The following CFAP54 variants were observed in gnomAD, a reference collection of about 807,000 sequenced individuals.
CFAP54 encodes the protein cilia- and flagella-associated protein 54.
In CFAP54, 290 loss-of-function variants were observed where a neutral mutation model predicts 370.4. The ratio of observed to expected loss-of-function variants is 0.78; its 90% CI spans 0.71 to 0.86. The LOEUF is 0.86. Ranked by LOEUF, CFAP54 falls within the 40% of genes least tolerant of loss-of-function variation. The probability of loss-of-function intolerance (pLI) is 0.00; values close to 1 mark genes in which losing one functional copy is unlikely to be tolerated. For synonymous variants in CFAP54, 1,206 were observed against 1,236.5 expected (o/e 0.98, Z 0.52); for missense variants, 3,399 against 3,528.7 (o/e 0.96, Z 0.93).
intron 66 of CFAP54, among the ~76,000 whole-genome samples, chr12:96,844,464 G>A (rs1042829304): frequency 9.9e-5 from 15 of 152,094 alleles, no homozygotes; most frequent in Non-Finnish European, 1.9e-4. Context: ...GAACCAGCCC[G>A]GCTGACACCT....
intron 1 of CFAP54, among the ~76,000 whole-genome samples, chr12:96,491,846 GC>G (rs1195097317): frequency 6.6e-6 from 1 of 152,132 alleles, no homozygotes; most frequent in Non-Finnish European, 1.5e-5. Context: ...TGCAACCTCT[GC>G]CTCCCAGGTT....
intron 15 of CFAP54, among the ~76,000 whole-genome samples, chr12:96,552,032 A>C (rs1955700358): frequency 6.6e-6 from 1 of 152,124 alleles, no homozygotes; most frequent in Non-Finnish European, 1.5e-5. Flanking sequence ...GGATCACCTG[A>C]GGTCAGGAGT....
chr12:96,526,022 T>C (rs1955376872), intron 8 of CFAP54, among the ~76,000 whole-genome samples: 1 of 152,146 alleles, frequency 6.6e-6, no homozygotes, highest in South Asian at 2.1e-4. Flanking sequence ...GATCTATGGA[T>C]TGAAAAGGTA....
intron 63 of CFAP54, among the ~76,000 whole-genome samples, chr12:96,803,412 A>C (rs914771044): frequency 2.0e-5 from 3 of 152,046 alleles, no homozygotes; most frequent in Non-Finnish European, 4.4e-5. Flanking sequence ...TAAGCAAGCC[A>C]CCTAGAAGCC....
chr12:96,806,213 T>TATATATATATATATATATAA (rs1392329026), intron 63 of CFAP54, among the ~76,000 whole-genome samples: 1 of 49,694 alleles, frequency 2.0e-5, no homozygotes, highest in Admixed American at 2.5e-4. Flanking sequence ...TATATATATA[T>TATATATATATATATATATAA]AATAACAACA....
chr12:96,564,018 G>T (rs1955840116), intron 17 of CFAP54, among the ~76,000 whole-genome samples: 1 of 152,192 alleles, frequency 6.6e-6, no homozygotes, highest in African/African-American at 2.4e-5. Context: ...GCCACAGCTG[G>T]AAGATAGTGG....
chr12:96,571,454 T>A (rs1309271129), intron 19 of CFAP54, among the ~76,000 whole-genome samples: 2 of 152,170 alleles, frequency 1.3e-5, no homozygotes, highest in African/African-American at 4.8e-5. Flanking sequence ...AAAGGCTTAT[T>A]TCTTTTTTCA....
At chr12:96,823,506 A>G (rs1038511511) in intron 65 of CFAP54, among the ~76,000 whole-genome samples, 17 of 152,328 alleles carry the variant, frequency 1.1e-4, no homozygotes, top group Admixed American at 8.5e-4. Context: ...TCTCATATTC[A>G]GGAAACAATA....
intron 55 of CFAP54, among the ~76,000 whole-genome samples, chr12:96,744,583 G>A (rs1308691530): frequency 6.6e-6 from 1 of 152,126 alleles, no homozygotes; most frequent in Non-Finnish European, 1.5e-5. Context: ...ATTTTGGAAA[G>A]GAATGTGTTA....
chr12:96,684,471 G>A (rs1481596210), intron 40 of CFAP54, among the ~76,000 whole-genome samples, 177 bp from the exon 41 acceptor site: 3 of 152,148 alleles, frequency 2.0e-5, no homozygotes, highest in African/African-American at 4.8e-5. Flanking sequence ...CAAACAGAAC[G>A]TTTGCTCGCT....
chr12:96,561,426 A>G (rs1232274051), intron 17 of CFAP54, among the ~76,000 whole-genome samples: 1 of 152,060 alleles, frequency 6.6e-6, no homozygotes. Context: ...CTTTTTCTAT[A>G]TAAATTGCTC....
chr12:96,676,002 G>A (rs993669757), intron 39 of CFAP54, among the ~76,000 whole-genome samples: 8 of 152,040 alleles, frequency 5.3e-5, no homozygotes, highest in Non-Finnish European at 7.4e-5. Context: ...ACGAGTTAGT[G>A]GGTGCAGCAC....
At position 96,599,626 on chromosome 12, in the gene CFAP54, CA is replaced by C. The variant is rs1956218514; in HGVS notation, c.3639+860del. Reference sequence around the variant, plus strand: ...TTGAACTAATTTACACTCCCATCAACAGTGTAAAAACGTTGTATTTCTCCAC... The same window carrying C: ...TTGAACTAATTTACACTCCCATCAACGTGTAAAAACGTTGTATTTCTCCAC... On this transcript the variant is annotated intron_variant, in intron 26 of 67. Transcript: ENST00000524981. Among the ~76,000 whole-genome samples, 3 of 152,200 alleles carry C rather than the reference CA, an allele frequency of 2.0e-5. No individual in the cohort carries two copies. The South Asian group carries it at 6.2e-4, about 32-fold the overall frequency.
intron 17 of CFAP54, among the ~76,000 whole-genome samples, chr12:96,555,384 G>A (rs958423657): frequency 6.6e-6 from 1 of 151,652 alleles, no homozygotes; most frequent in South Asian, 2.1e-4. Context: ...GCTGATTGGT[G>A]CAGGAAGATG....
At chr12:96,540,567 C>T (rs1275451802) in intron 13 of CFAP54, among the ~76,000 whole-genome samples, 1 of 152,136 alleles carries the variant, frequency 6.6e-6, no homozygotes, top group African/African-American at 2.4e-5. Flanking sequence ...ATAAATTTGC[C>T]ATAATGGCTA....
At chr12:96,693,841 C>A in intron 45 of CFAP54, 33 bp downstream of exon 45, 1 of 1,331,024 alleles carries the variant, frequency 7.5e-7, no homozygotes, top group Middle Eastern at 1.9e-4. Flanking sequence ...ATTTGATATT[C>A]TTGAACTATT....
intron 62 of CFAP54, among the ~76,000 whole-genome samples, chr12:96,788,099 A>G (rs912216340): frequency 6.6e-6 from 1 of 152,156 alleles, no homozygotes; most frequent in African/African-American, 2.4e-5. Context: ...TGACACAAGA[A>G]TGGAAAGGAA....
At chr12:96,594,661 C>T (rs1442263237) in intron 25 of CFAP54, among the ~76,000 whole-genome samples, 5 of 152,246 alleles carry the variant, frequency 3.3e-5, no homozygotes, top group Middle Eastern at 3.4e-3. Flanking sequence ...TGAAAATATT[C>T]GTCCCTGTTC....
intron 5 of CFAP54, among the ~76,000 whole-genome samples, chr12:96,517,777 A>G (rs914875893): frequency 1.3e-5 from 2 of 152,230 alleles, no homozygotes; most frequent in African/African-American, 4.8e-5. Context: ...GATGCTGGCA[A>G]CCTGGGGTAA....
Sources: gnomAD v4.1 joint callset for allele counts (sites outside exome capture counted in the v4.1 genomes callset) on GRCh38, gnomAD v4.1.1 for gene constraint, MANE v1.5 for transcripts, NCBI Gene and HGNC (gene_info 2026-07-23, HGNC 2026-07-21) for gene names.